The following TRPM1 variants were observed in gnomAD, a reference collection of about 807,000 sequenced individuals.
TRPM1 encodes TRPM1-203 APA Isoform, Intron 10.
Under a neutral mutation model 149.4 loss-of-function variants are expected in TRPM1, and 113 were observed. That is an observed-to-expected ratio of 0.76 (90% CI 0.65 to 0.88). TRPM1 has a LOEUF of 0.88. Ranked by LOEUF, TRPM1 falls within the 40% of genes least tolerant of loss-of-function variation. TRPM1 has a pLI of 0.00. For missense variants in TRPM1, 1,976 were observed against 2,038.7 expected (o/e 0.97, Z 0.59); for synonymous variants, 741 against 759.5 (o/e 0.98, Z 0.40).
At chr15:31,011,454 C>A (rs2032178729) in intron 27 of TRPM1, among the ~76,000 whole-genome samples, 1 of 151,884 alleles carries the variant, frequency 6.6e-6, no homozygotes, top group African/African-American at 2.4e-5. Flanking sequence ...TGGGGCCCTG[C>A]TATGTTTCCT....
At chr15:31,154,384 T>A (rs983722735) in intron 1 of TRPM1, among the ~76,000 whole-genome samples, 1 of 151,730 alleles carries the variant, frequency 6.6e-6, no homozygotes, top group Non-Finnish European at 1.5e-5. Flanking sequence ...ACAGAGGAGG[T>A]TTTCTGGGTC....
intron 9 of TRPM1, 87 bp downstream of exon 9, chr15:31,062,492 C>T: frequency 1.3e-6 from 2 of 1,541,652 alleles, no homozygotes; most frequent in Middle Eastern, 1.7e-4. Context: ...ATATGAATAA[C>T]CCTGTCATGC....
chr15:31,159,588 C>T (rs2036420516), intron 1 of TRPM1, among the ~76,000 whole-genome samples: 1 of 152,228 alleles, frequency 6.6e-6, no homozygotes, highest in Admixed American at 6.5e-5. Context: ...GCCTGTCCCC[C>T]ACTGAGCCCC....
chr15:31,033,346 A>C (rs1342121913), intron 21 of TRPM1, among the ~76,000 whole-genome samples: 2 of 152,232 alleles, frequency 1.3e-5, no homozygotes, highest in African/African-American at 4.8e-5. Flanking sequence ...AGATGGCAGA[A>C]TACCACTAGG....
At chr15:31,047,983 C>T in intron 13 of TRPM1, 44 bp from the exon 14 acceptor site, 1 of 1,579,596 alleles carries the variant, frequency 6.3e-7, no homozygotes, top group Non-Finnish European at 8.7e-7. Flanking sequence ...TTTTTCTTGG[C>T]CAGGCGCGGT....
intron 1 of TRPM1, among the ~76,000 whole-genome samples, chr15:31,126,654 T>C (rs1004621807): frequency 9.2e-5 from 14 of 152,258 alleles, no homozygotes; most frequent in African/African-American, 3.1e-4. Context: ...TGGCTTGCTT[T>C]TCAAAGCACT....
intron 2 of TRPM1, among the ~76,000 whole-genome samples, chr15:31,078,679 CA>C (rs1226788083): frequency 6.6e-6 from 1 of 152,194 alleles, no homozygotes; most frequent in African/African-American, 2.4e-5. Flanking sequence ...TTCTGTTTTG[CA>C]CTTTTCCCGT....
chr15:31,040,298 A>T lies in TRPM1; in HGVS notation c.2136T>A (p.His712Gln). The T allele has an allele frequency of 6.2e-7, 1 of 1,614,174 alleles. No individual in the cohort carries two copies. The change falls in exon 18 of 28, where the codon CAT becomes CAA. Residue 712 changes from histidine (H) to glutamine (Q), a missense_variant. Transcript: ENST00000256552. This position sits in a 1 kb window ranked among gnomAD's most constrained non-coding sequence, Gnocchi z 4.2. Reference sequence around the variant, plus strand: ...GGAGTTTCATAGCGATCTGCTCGTCATGCTTATAGGACTGGTCTAATAACT... The same window carrying T: ...GGAGTTTCATAGCGATCTGCTCGTCTTGCTTATAGGACTGGTCTAATAACT... Reference protein sequence around the residue: ...ALELLDQSYKHDEQIAMKLLT... With the variant: ...ALELLDQSYKQDEQIAMKLLT...
chr15:31,130,698 C>T (rs2036005409), intron 1 of TRPM1, among the ~76,000 whole-genome samples: 1 of 152,150 alleles, frequency 6.6e-6, no homozygotes, highest in Non-Finnish European at 1.5e-5. Context: ...TCAGGTTCAT[C>T]TGGTCTTGTG....
rs116585457 is a variant in TRPM1 at position 31,037,225 on chromosome 15, C to T, written c.2571+486G>A. Among the ~76,000 whole-genome samples the T allele has an allele frequency of 3.6e-3, 553 of 152,342 alleles. 4 individuals are homozygous for T. Among genetic ancestry groups the T allele is most frequent in the African/African-American group, 0.012 (513 of 41,588 alleles). On this transcript the variant is annotated intron_variant, in intron 20 of 27. Transcript: ENST00000256552. ...GAGGGCTGGAGGATGGCTTGCCAGC[C>T]AAGCGGGTCAGTTTGGTGAGCACTT...
At chr15:31,138,034 A>G (rs1185739207) in intron 1 of TRPM1, among the ~76,000 whole-genome samples, 2 of 152,176 alleles carry the variant, frequency 1.3e-5, no homozygotes, top group Non-Finnish European at 2.9e-5. Flanking sequence ...AAAGAGGCAG[A>G]ATGATATTAC....
chr15:31,025,284 A>C (rs531058833), intron 27 of TRPM1, among the ~76,000 whole-genome samples: 12 of 152,324 alleles, frequency 7.9e-5, no homozygotes, highest in African/African-American at 2.4e-4. Flanking sequence ...GATCTTTAGC[A>C]GGCTGAAAAT....
In TRPM1 at chr15:31,067,009, A is replaced by C. The variant is rs569330543; in HGVS notation, c.618+54T>G. ...CTGCATCTGAATCAACGGTTACCTC[A>C]AAATCAATCATTAATTTTAAAAAAC... On this transcript the variant is annotated intron_variant, in intron 6 of 27. Transcript: ENST00000256552. 28 of 1,185,928 alleles carry C rather than the reference A, an allele frequency of 2.4e-5. No homozygotes were observed. The African/African-American group carries it at 7.0e-4, about 30-fold the overall frequency. The allele number at this position is 1,185,928 out of a possible 1,614,324, so 73.5% of individuals were successfully genotyped here.
intron 1 of TRPM1, among the ~76,000 whole-genome samples, chr15:31,152,835 G>C (rs1172952383): frequency 1.3e-5 from 2 of 152,074 alleles, no homozygotes; most frequent in African/African-American, 4.8e-5. Flanking sequence ...TAGAGACAGG[G>C]TCTCACTATG....
At chr15:31,138,811 G>A (rs2036123094) in intron 1 of TRPM1, among the ~76,000 whole-genome samples, 1 of 152,022 alleles carries the variant, frequency 6.6e-6, no homozygotes, top group Non-Finnish European at 1.5e-5. Context: ...AAAATTCTTT[G>A]TAAAAGAAAT....
intron 27 of TRPM1, among the ~76,000 whole-genome samples, chr15:31,025,033 A>G (rs1447778041): frequency 2.6e-5 from 4 of 152,206 alleles, no homozygotes; most frequent in Non-Finnish European, 4.4e-5. Context: ...ACTGGCCTCA[A>G]CATGCACCAG....
Position 31,076,918 on chromosome 15 carries a change from T to C in TRPM1, c.70A>G (p.Lys24Glu), listed in dbSNP as rs748932869. 1.2e-5 allele frequency: 19 copies of C among 1,608,496 alleles called. No homozygotes were observed. Among genetic ancestry groups the C allele is most frequent in the Middle Eastern group, 1.7e-4 (1 of 6,054 alleles). The change falls in exon 3 of 28, where the codon AAA (lysine) becomes GAA (glutamate). Residue 24 changes from lysine to glutamate, a missense_variant. Lys to Glu is a moderately conservative substitution (Grantham distance 56). This residue lies in a region of TRPM1 where 1,332 missense variants were observed against 1,347.1 expected (regional missense o/e 0.99). Coordinates refer to ENST00000256552, the MANE Select transcript of TRPM1 (RefSeq NM_001252024.2). The part of the protein sequence containing the change: ...RECIFVIPSM[K>E]DSNRCCCGQF... The stretch of plus-strand genomic sequence containing the variant: ...ATTTCAATTTACCTGTTAGAGTCTT[T>C]CATGCTAGGAATTACAAAGATACAT...
chr15:31,131,322 C>A (rs577234153), intron 1 of TRPM1, among the ~76,000 whole-genome samples: 1 of 152,218 alleles, frequency 6.6e-6, no homozygotes, highest in East Asian at 1.9e-4. Context: ...AAGAGACGAG[C>A]GCAGTGCTTC....
intron 2 of TRPM1, among the ~76,000 whole-genome samples, chr15:31,077,706 G>A (rs1444960241): frequency 3.3e-5 from 5 of 152,094 alleles, no homozygotes; most frequent in Admixed American, 6.5e-5. Flanking sequence ...GGCTCAGTGC[G>A]TATTTGTGCT....
Sources: allele counts gnomAD v4.1 joint callset (sites outside exome capture counted in the v4.1 genomes callset), GRCh38; gene constraint gnomAD v4.1.1; regional missense constraint gnomAD v4.1.1; non-coding constraint Gnocchi (gnomAD v3.1); transcripts MANE v1.5; gene names NCBI Gene and HGNC (gene_info 2026-07-23, HGNC 2026-07-21).